The following PTPRD variants were observed in gnomAD, a reference collection of about 807,000 sequenced individuals.
The protein encoded by PTPRD is protein tyrosine phosphatase receptor type D, also known as receptor-type tyrosine-protein phosphatase delta.
Under a neutral mutation model 214.5 loss-of-function variants are expected in PTPRD, and 34 were observed. The ratio of observed to expected loss-of-function variants is 0.16; its 90% CI spans 0.12 to 0.21. The LOEUF is 0.21. Among genes scored for constraint, PTPRD ranks in the 10% least tolerant of loss-of-function variants. PTPRD has a pLI of 1.00. For synonymous variants in PTPRD, 1,128 were observed against 845.7 expected, an observed-to-expected ratio of 1.33 and a Z score of -5.79; for missense variants, 2,545 against 2,398.7, an observed-to-expected ratio of 1.06 and a Z score of -1.27.
chr9:9,524,409 T>A (rs2073511389), intron 8 of PTPRD, among the ~76,000 whole-genome samples: 1 of 152,202 alleles, frequency 6.6e-6, no homozygotes, highest in African/African-American at 2.4e-5. Flanking sequence ...TATTTAAATA[T>A]TCTCCTTAAT....
chr9:8,867,550 C>G (rs769289052), intron 11 of PTPRD, among the ~76,000 whole-genome samples: 9 of 152,018 alleles, frequency 5.9e-5, no homozygotes, highest in Non-Finnish European at 1.3e-4. Context: ...TTTCCTTTTC[C>G]TTTTTAATCC....
At chr9:8,906,978 G>A (rs1260746664) in intron 11 of PTPRD, among the ~76,000 whole-genome samples, 3 of 152,058 alleles carry the variant, frequency 2.0e-5, no homozygotes, top group Admixed American at 6.6e-5. Flanking sequence ...ACCTGGAAGG[G>A]CCCAGTGGAA....
intron 9 of PTPRD, among the ~76,000 whole-genome samples, chr9:9,256,967 T>A (rs2099977984): frequency 6.6e-6 from 1 of 152,074 alleles, no homozygotes; most frequent in Non-Finnish European, 1.5e-5. Context: ...TTATTCTTGC[T>A]CATGCCCCAC....
chr9:8,919,818 G>A (rs892440348), intron 11 of PTPRD, among the ~76,000 whole-genome samples: 2 of 127,888 alleles, frequency 1.6e-5, no homozygotes, highest in African/African-American at 2.5e-5. Flanking sequence ...GCACATACAT[G>A]CACCCATACA....
chr9:8,968,941 G>T (rs1462867167), intron 11 of PTPRD, among the ~76,000 whole-genome samples: 1 of 152,026 alleles, frequency 6.6e-6, no homozygotes, highest in Non-Finnish European at 1.5e-5. Context: ...TAGCTTGGTA[G>T]AGAAAATTTA....
intron 34 of PTPRD, chr9:8,438,839 G>C (rs2095445199): frequency 1.3e-5 from 2 of 152,172 alleles, no homozygotes; most frequent in African/African-American, 4.8e-5. Flanking sequence ...AGTAAAGCCA[G>C]TTGGAGACGG....
chr9:9,722,836 T>C (rs551794960), intron 7 of PTPRD, among the ~76,000 whole-genome samples: 2 of 152,214 alleles, frequency 1.3e-5, no homozygotes, highest in East Asian at 3.9e-4. Flanking sequence ...CTTTTGACCA[T>C]TTCTATACCT....
chr9:9,259,821 G>C (rs975313268), intron 9 of PTPRD, among the ~76,000 whole-genome samples: 5 of 151,894 alleles, frequency 3.3e-5, no homozygotes, highest in African/African-American at 1.2e-4. Flanking sequence ...AGGAAGGATA[G>C]AACTCTGACC....
intron 3 of PTPRD, among the ~76,000 whole-genome samples, chr9:10,077,032 TAA>T (rs2098142552): frequency 6.6e-6 from 1 of 152,138 alleles, no homozygotes. Flanking sequence ...TAGCTGAAGG[TAA>T]AACACATTAC....
intron 9 of PTPRD, among the ~76,000 whole-genome samples, chr9:9,207,228 A>G (rs937404728): frequency 6.6e-6 from 1 of 152,202 alleles, no homozygotes; most frequent in Non-Finnish European, 1.5e-5. Context: ...GTGTGTGGTG[A>G]GAAAGCAGTA....
intron 9 of PTPRD, among the ~76,000 whole-genome samples, chr9:9,236,109 C>A (rs542170591): frequency 6.6e-6 from 1 of 152,098 alleles, no homozygotes; most frequent in Non-Finnish European, 1.5e-5. Flanking sequence ...ACCAAAAATA[C>A]AAAAAAGTAG....
At chr9:9,531,914 T>C (rs1442027914) in intron 8 of PTPRD, among the ~76,000 whole-genome samples, 2 of 152,014 alleles carry the variant, frequency 1.3e-5, no homozygotes, top group Non-Finnish European at 2.9e-5. Context: ...TAGATATTAA[T>C]GCCTTGATAT....
chr9:9,559,529 G>C (rs151131571), intron 8 of PTPRD, among the ~76,000 whole-genome samples: 1 of 152,228 alleles, frequency 6.6e-6, no homozygotes, highest in Non-Finnish European at 1.5e-5. Context: ...TGAATAGGCT[G>C]CTTGGCTGTC....
intron 8 of PTPRD, among the ~76,000 whole-genome samples, chr9:9,549,479 G>A (rs565696549): frequency 1.4e-4 from 21 of 152,078 alleles, no homozygotes; most frequent in African/African-American, 3.1e-4. Context: ...ATAAGATGCC[G>A]CCACATCTCT....
At chr9:9,321,793 T>G (rs1569567343) in intron 9 of PTPRD, among the ~76,000 whole-genome samples, 1 of 152,166 alleles carries the variant, frequency 6.6e-6, no homozygotes, top group Admixed American at 6.5e-5. Flanking sequence ...CTATGTCATA[T>G]GGTTGTTGAG....
chr9:8,558,823 G>A (rs970717222), intron 14 of PTPRD, among the ~76,000 whole-genome samples: 5 of 152,120 alleles, frequency 3.3e-5, no homozygotes, highest in African/African-American at 4.8e-5. Flanking sequence ...ATGCAATGGC[G>A]AACTGAAATA....
chr9:8,442,229 G>C (rs2095570486), intron 34 of PTPRD, among the ~76,000 whole-genome samples: 1 of 152,190 alleles, frequency 6.6e-6, no homozygotes, highest in Non-Finnish European at 1.5e-5. Flanking sequence ...CTAATTTATG[G>C]TATTTTTGCT....
chr9:8,470,444 T>A (rs190730513), intron 31 of PTPRD, among the ~76,000 whole-genome samples: 1 of 152,302 alleles, frequency 6.6e-6, no homozygotes, highest in East Asian at 1.9e-4. Flanking sequence ...TCTGCTTTGC[T>A]CACAATTTTG....
At chr9:9,179,362 G>A (rs1446395663) in intron 10 of PTPRD, among the ~76,000 whole-genome samples, 6 of 152,008 alleles carry the variant, frequency 3.9e-5, no homozygotes, top group Admixed American at 2.0e-4. Flanking sequence ...ATTTCCAAAT[G>A]CAGACATTTT....
Sources: gnomAD v4.1 joint callset for allele counts (sites outside exome capture counted in the v4.1 genomes callset) on GRCh38, gnomAD v4.1.1 for gene constraint, MANE v1.5 for transcripts, NCBI Gene and HGNC (gene_info 2026-07-23, HGNC 2026-07-21) for gene names.